KIF26B: variants seen among roughly 807,000 people sequenced by gnomAD.
KIF26B encodes the protein kinesin family member 26B.
Under a neutral mutation model 151.2 loss-of-function variants are expected in KIF26B, and 63 were observed. The ratio of observed to expected loss-of-function variants is 0.42; its 90% CI spans 0.34 to 0.51. The LOEUF is 0.51. Among genes scored for constraint, KIF26B ranks in the 20% least tolerant of loss-of-function variants. The pLI, the probability that KIF26B is intolerant of heterozygous loss-of-function variation, is 0.07. For missense variants in KIF26B, 2,813 were observed against 2,913.6 expected (o/e 0.97, Z 0.79); for synonymous variants, 1,357 against 1,262.1 (o/e 1.08, Z -1.59).
intron 3 of KIF26B, among the ~76,000 whole-genome samples, chr1:245,374,134 T>TATATATATAG (rs1558141425): frequency 1.2e-4 from 10 of 81,516 alleles, no homozygotes; most frequent in Admixed American, 5.7e-4. Flanking sequence ...TATATATATA[T>TATATATATAG]ATATGGGCAC....
chr1:245,679,183 G>A (rs1224729538), intron 10 of KIF26B, among the ~76,000 whole-genome samples: 1 of 152,136 alleles, frequency 6.6e-6, no homozygotes, highest in Admixed American at 6.5e-5. Flanking sequence ...CACAAAAGTA[G>A]CCACAGACAC....
At chr1:245,248,771 A>G (rs781410071) in intron 2 of KIF26B, among the ~76,000 whole-genome samples, 2 of 152,206 alleles carry the variant, frequency 1.3e-5, no homozygotes, top group African/African-American at 4.8e-5. Flanking sequence ...ATGTTTGCCA[A>G]TATCTCTGAC....
At chr1:245,599,965 G>A (rs1435512376) in intron 5 of KIF26B, among the ~76,000 whole-genome samples, 4 of 151,746 alleles carry the variant, frequency 2.6e-5, no homozygotes, top group Non-Finnish European at 5.9e-5. Context: ...TCTGTCTGTC[G>A]GGAATCCCCC....
At chr1:245,344,489 C>A (rs974724050) in intron 2 of KIF26B, among the ~76,000 whole-genome samples, 2 of 123,678 alleles carry the variant, frequency 1.6e-5, no homozygotes, top group African/African-American at 3.1e-5. Context: ...AGCTAGACTC[C>A]GTCTCAAAAA....
intron 4 of KIF26B, among the ~76,000 whole-genome samples, chr1:245,526,624 C>A (rs986694719): frequency 3.3e-5 from 5 of 152,310 alleles, no homozygotes; most frequent in African/African-American, 1.2e-4. Context: ...AAGACGCCCC[C>A]AAACCACAGA....
At chr1:245,470,363 A>G (rs1307466139) in intron 4 of KIF26B, among the ~76,000 whole-genome samples, 1 of 152,148 alleles carries the variant, frequency 6.6e-6, no homozygotes, top group African/African-American at 2.4e-5. Context: ...ACAAAGGAAG[A>G]ATTGGCAAGG....
At chr1:245,334,159 C>CT (rs975766747) in intron 2 of KIF26B, among the ~76,000 whole-genome samples, 5 of 152,158 alleles carry the variant, frequency 3.3e-5, no homozygotes, top group African/African-American at 7.2e-5. Flanking sequence ...AATGGCCTCT[C>CT]TCTCTTTTTA....
rs545247916 is a variant in KIF26B at position 245,540,772 on chromosome 1, C to T, written c.1172C>T (p.Ala391Val). ...SVAASFFARAAQKLNLSSKKK... is the reference protein window; with the variant it reads ...SVAASFFARAVQKLNLSSKKK... ...TGTTCCTTTTTCCACTCCAGAGCTG[C>T]CCAGAAGTTAAATCTGTCTTCTAAA... Residue 391 changes from alanine to valine, a missense_variant, in exon 5 of 15, where the codon GCC (alanine) becomes GTC (valine). Transcript: ENST00000407071. This position sits in a 1 kb window ranked among gnomAD's most constrained non-coding sequence, Gnocchi z 4.6. 37 of 1,613,676 alleles carry T rather than the reference C, an allele frequency of 2.3e-5. 1 individual carries two copies. The highest frequency in any genetic ancestry group is 1.7e-4 in the Middle Eastern group (1 of 6,058).
At chr1:245,681,292 C>T (rs947227786) in intron 10 of KIF26B, among the ~76,000 whole-genome samples, 1 of 151,298 alleles carries the variant, frequency 6.6e-6, no homozygotes, top group African/African-American at 2.4e-5. Flanking sequence ...TCACTGCAAG[C>T]TCCACCCCCC....
intron 4 of KIF26B, among the ~76,000 whole-genome samples, chr1:245,442,077 G>C (rs1259152997): frequency 1.3e-5 from 2 of 152,202 alleles, no homozygotes; most frequent in Non-Finnish European, 2.9e-5. Flanking sequence ...CACTGGCTTA[G>C]GGTATTTCAT....
At chr1:245,246,488 C>G (rs1347184311) in intron 2 of KIF26B, among the ~76,000 whole-genome samples, 1 of 152,140 alleles carries the variant, frequency 6.6e-6, no homozygotes, top group African/African-American at 2.4e-5. Context: ...GCTCTGAGTC[C>G]CAGTCTCCCC....
At chr1:245,578,994 T>C (rs1039952880) in intron 5 of KIF26B, among the ~76,000 whole-genome samples, 1 of 152,228 alleles carries the variant, frequency 6.6e-6, no homozygotes, top group Admixed American at 6.5e-5. Flanking sequence ...GTTATGCTAC[T>C]AGAAACTGTG....
chr1:245,550,094 G>A lies in KIF26B; in HGVS notation c.1350+9144G>A, dbSNP rs978151368. ...AAAATAGAACAATTACAGTAGCACC[G>A]AGTGCTAGAGACAAATTTCCTGCCA... is the stretch of plus-strand genomic sequence containing the variant. On this transcript the variant is annotated intron_variant, in intron 5 of 14. Coordinates refer to ENST00000407071, the MANE Select transcript of KIF26B (RefSeq NM_018012.4). Among the ~76,000 whole-genome samples, 10 of 152,128 alleles carry A rather than the reference G, an allele frequency of 6.6e-5. No individual in the cohort carries two copies. In the South Asian group the frequency reaches 8.3e-4, roughly 13 times the overall value.
chr1:245,611,767 C>A, intron 8 of KIF26B, 26 bp from the exon 9 acceptor site: 1 of 1,608,254 alleles, frequency 6.2e-7, no homozygotes. Flanking sequence ...AGCCTGCAGC[C>A]TCATCTCTTG....
chr1:245,359,301 G>A (rs1672765237), intron 2 of KIF26B, among the ~76,000 whole-genome samples: 2 of 152,136 alleles, frequency 1.3e-5, no homozygotes, highest in Admixed American at 1.3e-4. Flanking sequence ...TTGCAAGAGT[G>A]AGCCACCGCG....
At position 245,688,437 on chromosome 1, in the gene KIF26B, C is replaced by G; in HGVS notation, c.5454C>G (p.Ala1818=). 1 of 1,387,026 alleles carries G rather than the reference C, an allele frequency of 7.2e-7. No individual in the cohort carries two copies. Among genetic ancestry groups the G allele is most frequent in the Non-Finnish European group, 9.3e-7 (1 of 1,078,034 alleles). The allele number at this position is 1,387,026 out of a possible 1,614,324, so 85.9% of individuals were successfully genotyped here. ...AGCTGCTGCAGGGTGGCGCGGGCGC[C>G]CGGGGCTTGCAGCTGCGGGCCGGGC... ...ISELLQGGAG[A]RGLQLRAGPE... is the part of the protein sequence containing the mutation. The change falls in exon 12 of 15, where the codon GCC becomes GCG. Residue 1818 remains alanine (A), a synonymous_variant. Coordinates refer to ENST00000407071, the MANE Select transcript of KIF26B (RefSeq NM_018012.4).
At chr1:245,254,160 A>G (rs967861133) in intron 2 of KIF26B, among the ~76,000 whole-genome samples, 3 of 152,128 alleles carry the variant, frequency 2.0e-5, no homozygotes, top group African/African-American at 4.8e-5. Flanking sequence ...AGATCATTCA[A>G]TATTTACTGA....
In KIF26B at chr1:245,708,158, C is replaced by T. The variant is rs2044864792; in HGVS notation, c.*5552C>T. On this transcript the variant is annotated 3_prime_UTR_variant, in exon 15 of 15. Coordinates refer to ENST00000407071, the MANE Select transcript of KIF26B (RefSeq NM_018012.4). ...ACTAGCTGTGCAACCTTGGGCGAGC[C>T]TCTTCGCTTTGCTGGGCCTCAGGTT... 2 of 152,266 alleles carry T rather than the reference C, an allele frequency of 1.3e-5. No homozygotes were observed. Among genetic ancestry groups the T allele is most frequent in the African/African-American group, 2.4e-5 (1 of 41,456 alleles). 9.4% of individuals were successfully genotyped at this position (152,266 alleles called of 1,614,324 possible). A position where few individuals can be genotyped will look rare whatever the true frequency, so the allele number is the denominator to read the frequency against.
chr1:245,551,930 GA>G (rs1277063096), intron 5 of KIF26B, among the ~76,000 whole-genome samples: 2 of 152,116 alleles, frequency 1.3e-5, no homozygotes, highest in Admixed American at 6.5e-5. Context: ...CTCTTTAGAT[GA>G]CTGATCTGCG....
Sources: allele counts gnomAD v4.1 joint callset (sites outside exome capture counted in the v4.1 genomes callset), GRCh38; gene constraint gnomAD v4.1.1; non-coding constraint Gnocchi (gnomAD v3.1); transcripts MANE v1.5; gene names NCBI Gene and HGNC (gene_info 2026-07-23, HGNC 2026-07-21).